YJEFN3: variants seen among roughly 807,000 people sequenced by gnomAD.
YJEFN3 encodes yjeF N-terminal domain-containing protein 3.
YJEFN3 carries 29 observed loss-of-function variants against 31.5 expected under a neutral mutation model. That is an observed-to-expected ratio of 0.92 (90% CI 0.69 to 1.26). The LOEUF (loss-of-function observed/expected upper bound fraction) is 1.26. Among genes scored for constraint, YJEFN3 ranks in the 50% most tolerant of loss-of-function variants. YJEFN3 has a pLI of 0.00. For missense variants in YJEFN3, 442 were observed against 425.4 expected (o/e 1.04, Z -0.34); for synonymous variants, 227 against 196.1 (o/e 1.16, Z -1.32).
chr19:19,534,103 G>A lies in YJEFN3; in HGVS notation c.319-931G>A, dbSNP rs2061183782. On this transcript the variant is annotated intron_variant, in intron 3 of 6. Transcript: ENST00000514277. This position sits in a 1 kb window ranked among gnomAD's most constrained non-coding sequence, Gnocchi z 4.6. ...ATTTGATAAAGGCCAAACTGAGTCT[G>A]GGAGAGAAGGGGCTGGGGCCACGCA... The A allele has an allele frequency of 1.0e-6, 1 of 985,562 alleles. No individual in the cohort carries two copies. The highest frequency in any genetic ancestry group is 4.7e-5 in the South Asian group (1 of 21,306). 61.1% of individuals were successfully genotyped at this position (985,562 alleles called of 1,614,324 possible).
intron 1 of YJEFN3, 134 bp from the exon 2 acceptor site, chr19:19,529,230 G>T: frequency 6.9e-7 from 1 of 1,449,724 alleles, no homozygotes; most frequent in South Asian, 1.5e-5. Context: ...GCATCTTGCT[G>T]GAGACACTAA....
At position 19,535,567 on chromosome 19, in the gene YJEFN3, T is replaced by C. The variant is rs2061200797; in HGVS notation, c.582T>C (p.Asp194=). The C allele has an allele frequency of 6.3e-7, 1 of 1,588,590 alleles. No individual in the cohort carries two copies. The highest frequency in any genetic ancestry group is 8.6e-7 in the Non-Finnish European group (1 of 1,166,070). ...LINEAYGLVV[D]AVLGPGVEPG... Reference sequence around the variant, plus strand: ...ACGAAGCCTATGGGCTGGTGGTGGATGCCGTACTGGGCCCCGGCGTGGAGC... The same window carrying C: ...ACGAAGCCTATGGGCTGGTGGTGGACGCCGTACTGGGCCCCGGCGTGGAGC... The change falls in exon 6 of 7, where the codon GAT becomes GAC. Residue 194 remains aspartate, a synonymous_variant. Transcript: ENST00000514277.
intron 6 of YJEFN3, 34 bp from the exon 7 acceptor site, chr19:19,537,285 C>A: frequency 1.3e-6 from 2 of 1,533,132 alleles, no homozygotes; most frequent in Non-Finnish European, 1.8e-6. Flanking sequence ...GCCACCCTCC[C>A]AGTTCCCAAT....
Position 19,535,544 on chromosome 19 carries a change from G to A in YJEFN3, c.559G>A (p.Glu187Lys), listed in dbSNP as rs776300867. Reference sequence around the variant, plus strand: ...CCTTCCCCAGGTGCAGCTCATTAACGAAGCCTATGGGCTGGTGGTGGATGC... The same window carrying A: ...CCTTCCCCAGGTGCAGCTCATTAACAAAGCCTATGGGCTGGTGGTGGATGC... ...YLPTEVQLIN[E>K]AYGLVVDAVL... is the part of the protein sequence containing the mutation. The change falls in exon 6 of 7, where the codon GAA becomes AAA. Residue 187 changes from glutamate to lysine, a missense_variant. Physicochemically the swap from Glu to Lys is moderately conservative, Grantham distance 56 (BLOSUM62 1). Transcript: ENST00000514277. 10 of 1,598,502 alleles carry A rather than the reference G, an allele frequency of 6.3e-6. No homozygotes were observed. The highest frequency in any genetic ancestry group is 4.5e-5 in the East Asian group (2 of 44,716).
chr19:19,532,658 G>C lies in YJEFN3; in HGVS notation c.236G>C (p.Arg79Pro). 1.3e-6 allele frequency: 2 copies of C among 1,565,160 alleles called. No individual in the cohort carries two copies. The highest frequency in any genetic ancestry group is 1.7e-6 in the Non-Finnish European group (2 of 1,161,676). The change falls in exon 3 of 7, where the codon CGG (arginine) becomes CCG (proline). Residue 79 changes from arginine to proline, a missense_variant. Coordinates refer to ENST00000514277, the MANE Select transcript of YJEFN3 (RefSeq NM_198537.4). ...QSTAEAAALE[R>P]ELLEDYRFGR... ...ACCGCGGAGGCAGCCGCCCTGGAGC[G>C]GGAGCTGCTGGAGGATTATCGCTTT... is the stretch of plus-strand genomic sequence containing the variant.
chr19:19,533,692 T>A (rs2061180568), intron 3 of YJEFN3: 1 of 985,232 alleles, frequency 1.0e-6, no homozygotes, highest in Admixed American at 6.1e-5. Context: ...AAAAACTCAA[T>A]GTTTTTCTTC....
At chr19:19,530,908 T>G (rs1345685940) in intron 2 of YJEFN3, among the ~76,000 whole-genome samples, 1 of 152,230 alleles carries the variant, frequency 6.6e-6, no homozygotes, top group Non-Finnish European at 1.5e-5. Context: ...CTCTTCACCA[T>G]GTTCCTCAGT....
intron 1 of YJEFN3, 80 bp downstream of exon 1, chr19:19,529,071 C>T: frequency 6.5e-7 from 1 of 1,529,814 alleles, no homozygotes; most frequent in Admixed American, 2.1e-5. Context: ...GAGGCAGGGT[C>T]ATAGCTGGGA....
intron 2 of YJEFN3, among the ~76,000 whole-genome samples, chr19:19,531,552 A>T (rs2061155885): frequency 2.0e-5 from 3 of 151,824 alleles, no homozygotes; most frequent in Admixed American, 2.0e-4. Flanking sequence ...GGTCACCGGG[A>T]TTACAGGTGT....
intron 3 of YJEFN3, chr19:19,533,356 C>T (rs965137364): frequency 1.8e-5 from 18 of 985,580 alleles, no homozygotes; most frequent in Admixed American, 6.1e-5. Flanking sequence ...TAAACGTGAA[C>T]GCCTCAGAAA....
chr19:19,535,398 C>T lies in YJEFN3; in HGVS notation c.491C>T (p.Thr164Ile), dbSNP rs773156295. The change falls in exon 5 of 7, where the codon ACC becomes ATC. Residue 164 changes from threonine (T) to isoleucine (I), a missense_variant. Physicochemically the swap from Thr to Ile is moderately conservative, Grantham distance 89. Coordinates refer to ENST00000514277, the MANE Select transcript of YJEFN3 (RefSeq NM_198537.4). The stretch of plus-strand genomic sequence containing the variant: ...CTGGACCTGCTGCATCGGGACCTGA[C>T]CACCCAGTGCGAGAAGATGGACATC... ...RSLDLLHRDL[T>I]TQCEKMDIPF... 3.1e-6 allele frequency: 5 copies of T among 1,614,016 alleles called. No homozygotes were observed. The highest frequency in any genetic ancestry group is 4.2e-6 in the Non-Finnish European group (5 of 1,180,000).
chr19:19,533,140 G>C, intron 3 of YJEFN3: 1 of 1,010,918 alleles, frequency 9.9e-7, no homozygotes, highest in East Asian at 9.9e-5. Context: ...CGAGGGGCCT[G>C]CCCTGGGTCA....
Position 19,532,667 on chromosome 19 carries a change from TG to T in YJEFN3, c.247del (p.Glu83ArgfsTer22). On this transcript the variant is annotated frameshift_variant, in exon 3 of 7. Coordinates refer to ENST00000514277, the MANE Select transcript of YJEFN3 (RefSeq NM_198537.4). LOFTEE classifies it high-confidence loss of function. Reference sequence around the variant, plus strand: ...GCAGCCGCCCTGGAGCGGGAGCTGCTGGAGGATTATCGCTTTGGGCGGCAGC... The same window carrying T: ...GCAGCCGCCCTGGAGCGGGAGCTGCTGAGGATTATCGCTTTGGGCGGCAGC... ...AEAAALEREL[L>X]EDYRFGRQQL... 6.4e-7 allele frequency: 1 copy of T among 1,570,922 alleles called. No homozygotes were observed. Among genetic ancestry groups the T allele is most frequent in the African/African-American group, 1.3e-5 (1 of 74,150 alleles).
chr19:19,537,422 C>T lies in YJEFN3; in HGVS notation c.798C>T (p.Arg266=). 1 of 1,591,170 alleles carries T rather than the reference C, an allele frequency of 6.3e-7. No homozygotes were observed. The highest frequency in any genetic ancestry group is 8.5e-7 in the Non-Finnish European group (1 of 1,174,696). Residue 266 remains arginine, a synonymous_variant, in exon 7 of 7, where the codon CGC becomes CGT. Coordinates refer to ENST00000514277, the MANE Select transcript of YJEFN3 (RefSeq NM_198537.4). ...PKRCAGRFSG[R]HHFVAGRFVP... is the part of the protein sequence containing the mutation. ...GCTGCGCTGGCCGCTTCTCCGGGCG[C>T]CACCACTTCGTGGCCGGCAGGTTCG...
chr19:19,533,136 G>T (rs918271195), intron 3 of YJEFN3: 6 of 1,012,820 alleles, frequency 5.9e-6, no homozygotes, highest in Non-Finnish European at 7.1e-6. Flanking sequence ...GTGGCGAGGG[G>T]CCTGCCCTGG....
At chr19:19,533,366 A>G in intron 3 of YJEFN3, 1 of 985,748 alleles carries the variant, frequency 1.0e-6, no homozygotes, top group South Asian at 4.7e-5. Flanking sequence ...CGCCTCAGAA[A>G]ACTGTCCCAT....
chr19:19,534,497 G>A lies in YJEFN3; in HGVS notation c.319-537G>A, dbSNP rs1391595043. On this transcript the variant is annotated intron_variant, in intron 3 of 6. Transcript: ENST00000514277. The surrounding 1 kb of genome is among the most constrained non-coding windows in gnomAD (Gnocchi z 4.6). ...TCTGAGAGATACAGAAACAGCCAGA[G>A]ACAGGTGGGGAGAGAGACATGAAGA... 1 of 152,688 alleles carries A rather than the reference G, an allele frequency of 6.5e-6. No homozygotes were observed. The highest frequency in any genetic ancestry group is 1.5e-5 in the Non-Finnish European group (1 of 68,496). The allele number at this position is 152,688 out of a possible 1,614,324, so 9.5% of individuals were successfully genotyped here.
At chr19:19,529,981 T>C (rs2061139004) in intron 2 of YJEFN3, among the ~76,000 whole-genome samples, 1 of 152,096 alleles carries the variant, frequency 6.6e-6, no homozygotes, top group African/African-American at 2.4e-5. Context: ...CCCCCCAGGC[T>C]CATGTTGAGT....
At chr19:19,530,033 C>T (rs552278536) in intron 2 of YJEFN3, among the ~76,000 whole-genome samples, 13 of 152,268 alleles carry the variant, frequency 8.5e-5, no homozygotes, top group South Asian at 4.1e-4. Flanking sequence ...GGTGATCCCC[C>T]GTGGTGGTCT....
Sources: gnomAD v4.1 joint callset for allele counts (sites outside exome capture counted in the v4.1 genomes callset) on GRCh38, gnomAD v4.1.1 for gene constraint, Gnocchi (gnomAD v3.1) non-coding constraint, MANE v1.5 for transcripts, NCBI Gene and HGNC (gene_info 2026-07-23, HGNC 2026-07-21) for gene names.